Variants in BPNT2 observed in about 807,000 individuals in gnomAD.
The protein encoded by BPNT2 is 3'(2'), 5'-bisphosphate nucleotidase 2, also known as Golgi-resident adenosine 3',5'-bisphosphate 3'-phosphatase.
Under a neutral mutation model 29.3 loss-of-function variants are expected in BPNT2, and 11 were observed. That is an observed-to-expected ratio of 0.38 (90% confidence interval 0.24 to 0.62). The LOEUF (loss-of-function observed/expected upper bound fraction) is 0.62. BPNT2 is among the 20% of genes least tolerant of loss of function. The pLI, the probability that BPNT2 is intolerant of heterozygous loss-of-function variation, is 0.62. For missense variants in BPNT2, 459 were observed against 473.4 expected, an observed-to-expected ratio of 0.97 and a Z score of 0.28; for synonymous variants, 195 against 187.7, an observed-to-expected ratio of 1.04 and a Z score of -0.32.
Position 56,978,151 on chromosome 8 carries a change from A to C in BPNT2, c.551-6T>G. The C allele has an allele frequency of 6.4e-7, 1 of 1,572,678 alleles. No individual in the cohort carries two copies. The highest frequency in any genetic ancestry group is 8.7e-7 in the Non-Finnish European group (1 of 1,143,628). ...GACGTACTTTCGAAGATCCTCTATG[A>C]GAAAAAAAACAAAACAACACACACA... On this transcript the variant is annotated splice_region_variant and splice_polypyrimidine_tract_variant and intron_variant, in intron 2 of 4. Transcript: ENST00000262644.
rs1316363452 is a variant in BPNT2, at chr8:56,962,285, G to T, written c.*1508C>A. On this transcript the variant is annotated 3_prime_UTR_variant, in exon 5 of 5. Transcript: ENST00000262644. The stretch of plus-strand genomic sequence containing the variant: ...AAGAAAGTAAAGGGCTTTGGACAAT[G>T]TAACATACAAACCTAAAGTATGCAC... 6.6e-6 allele frequency: 1 copy of T among 152,194 alleles called. No individual in the cohort carries two copies. Among genetic ancestry groups the T allele is most frequent in the Non-Finnish European group, 1.5e-5 (1 of 68,030 alleles). 9.4% of individuals were successfully genotyped at this position (152,194 alleles called of 1,614,324 possible).
intron 4 of BPNT2, among the ~76,000 whole-genome samples, chr8:56,965,813 C>T (rs1330033859): frequency 1.3e-5 from 2 of 152,140 alleles, no homozygotes; most frequent in Non-Finnish European, 2.9e-5. Context: ...TATGATGACT[C>T]CTGGCGTCTT....
At chr8:56,978,221 T>A (rs1806178433) in intron 2 of BPNT2, 76 bp from the exon 3 acceptor site, 1 of 944,514 alleles carries the variant, frequency 1.1e-6, no homozygotes, top group Admixed American at 1.7e-5. Flanking sequence ...ATATTACACT[T>A]TAGTTCATTA....
At chr8:56,974,597 T>G (rs1052120164) in intron 3 of BPNT2, among the ~76,000 whole-genome samples, 1 of 152,176 alleles carries the variant, frequency 6.6e-6, no homozygotes, top group Non-Finnish European at 1.5e-5. Context: ...AAACATTCAG[T>G]GTGGGAATGG....
chr8:56,980,068 T>C lies in BPNT2; in HGVS notation c.517A>G (p.Ile173Val), dbSNP rs779777456. The C allele has an allele frequency of 2.5e-6, 4 of 1,613,900 alleles. No individual in the cohort carries two copies. Among genetic ancestry groups the C allele is most frequent in the Admixed American group, 1.7e-5 (1 of 60,012 alleles). ...EVPAESVTVW[I>V]DPLDATQEYT... ...TCCTGTGTAGCATCAAGTGGGTCAA[T>C]CCAGACAGTAACACTTTCTGCTGGT... Residue 173 changes from isoleucine to valine, a missense_variant, in exon 2 of 5, where the codon ATT (isoleucine) becomes GTT (valine). Physicochemically the swap from Ile to Val is conservative, Grantham distance 29. Coordinates refer to ENST00000262644, the MANE Select transcript of BPNT2 (RefSeq NM_017813.5).
intron 1 of BPNT2, among the ~76,000 whole-genome samples, chr8:56,990,294 T>C (rs1806397560): frequency 6.6e-6 from 1 of 152,158 alleles, no homozygotes. Context: ...AAATCAAAAC[T>C]ATAAATCTCA....
At chr8:56,981,828 G>A (rs1563410214) in intron 1 of BPNT2, among the ~76,000 whole-genome samples, 1 of 152,128 alleles carries the variant, frequency 6.6e-6, no homozygotes, top group South Asian at 2.1e-4. Context: ...GTTGGGTCCT[G>A]TGCTTTCTGA....
chr8:56,957,987 TC>T lies in BPNT2; in HGVS notation c.*5805del, dbSNP rs1380775482. ...TTCAAATTTCGTTTGGCAAAGTATA[TC>T]CGGGGCAGAGAGTTTGGGATAATTA... is the stretch of plus-strand genomic sequence containing the variant. On this transcript the variant is annotated 3_prime_UTR_variant, in exon 5 of 5. Transcript: ENST00000262644. 1.3e-5 allele frequency: 2 copies of T among 152,034 alleles called. No homozygotes were observed. Among genetic ancestry groups the T allele is most frequent in the South Asian group, 2.1e-4 (1 of 4,814 alleles). 9.4% of individuals were successfully genotyped at this position (152,034 alleles called of 1,614,324 possible).
Position 56,980,176 on chromosome 8 carries a change from C to T in BPNT2, c.409G>A (p.Asp137Asn). 4 of 1,613,676 alleles carry T rather than the reference C, an allele frequency of 2.5e-6. No homozygotes were observed. Among genetic ancestry groups the T allele is most frequent in the Non-Finnish European group, 3.4e-6 (4 of 1,179,698 alleles). ...AAGATAACCTCCTGATCAGCTGCAT[C>T]CACGTGTTCCTCAGTATTAATCTGC... ...SVQINTEEHV[D>N]AADQEVILWD... is the part of the protein sequence containing the mutation. Residue 137 changes from aspartate (D) to asparagine (N), a missense_variant, in exon 2 of 5, where the codon GAT becomes AAT. By Grantham distance (23) the Asp-to-Asn change is conservative. Coordinates refer to ENST00000262644, the MANE Select transcript of BPNT2 (RefSeq NM_017813.5).
At position 56,986,053 on chromosome 8, in the gene BPNT2, G is replaced by A. The variant is rs540890157; in HGVS notation, c.388-5856C>T. Among the ~76,000 whole-genome samples the A allele has an allele frequency of 5.3e-5, 8 of 152,332 alleles. No individual in the cohort carries two copies. The South Asian group carries it at 6.2e-4, about 12-fold the overall frequency. On this transcript the variant is annotated intron_variant, in intron 1 of 4. Transcript: ENST00000262644. The stretch of plus-strand genomic sequence containing the variant: ...ATGGAGGACAACTGCTTTGGAGAGT[G>A]TCAGGCTTCTGAGAATTGGAGGATG...
At chr8:56,982,737 G>A (rs1177813341) in intron 1 of BPNT2, among the ~76,000 whole-genome samples, 3 of 152,020 alleles carry the variant, frequency 2.0e-5, no homozygotes, top group Non-Finnish European at 4.4e-5. Flanking sequence ...GTAGTGGAAG[G>A]GTTATTCTTT....
chr8:56,965,704 G>C (rs1468357308), intron 4 of BPNT2, among the ~76,000 whole-genome samples: 1 of 152,154 alleles, frequency 6.6e-6, no homozygotes, highest in Non-Finnish European at 1.5e-5. Flanking sequence ...ATACGATAAG[G>C]TGGGTGCGCA....
intron 4 of BPNT2, among the ~76,000 whole-genome samples, chr8:56,965,382 C>CTCCCTTTA (rs1182545349): frequency 3.9e-4 from 59 of 152,270 alleles, no homozygotes; most frequent in Non-Finnish European, 7.4e-4. Context: ...TTTATGTGTG[C>CTCCCTTTA]TGAGAAGGTT....
rs377697357 is a variant in BPNT2 at position 56,964,239 on chromosome 8, T to C, written c.809-175A>G. ...CAAATTAAAAAAATTTTAAAGTAAC[T>C]GTATAAACATTAAACTCAGAACAAA... On this transcript the variant is annotated intron_variant, in intron 4 of 4. Coordinates refer to ENST00000262644, the MANE Select transcript of BPNT2 (RefSeq NM_017813.5). 313 of 554,272 alleles carry C rather than the reference T, an allele frequency of 5.6e-4. 2 individuals are homozygous for C. The highest frequency in any genetic ancestry group is 4.3e-3 in the Middle Eastern group (9 of 2,108). The allele number at this position is 554,272 out of a possible 1,614,324, so 34.3% of individuals were successfully genotyped here.
chr8:56,981,172 C>A (rs909646392), intron 1 of BPNT2, among the ~76,000 whole-genome samples: 1 of 152,198 alleles, frequency 6.6e-6, no homozygotes, highest in Non-Finnish European at 1.5e-5. Context: ...CGGACATTGT[C>A]AAGTGCGCCC....
At position 56,964,067 on chromosome 8, in the gene BPNT2, A is replaced by G. The variant is rs749609075; in HGVS notation, c.809-3T>C. 6.4e-7 allele frequency: 1 copy of G among 1,572,454 alleles called. No individual in the cohort carries two copies. The highest frequency in any genetic ancestry group is 8.7e-7 in the Non-Finnish European group (1 of 1,154,326). On this transcript the variant is annotated splice_region_variant and splice_polypyrimidine_tract_variant and intron_variant, in intron 4 of 4. Coordinates refer to ENST00000262644, the MANE Select transcript of BPNT2 (RefSeq NM_017813.5). ...CAAAAGTGCTAAAACTTTATAACCT[A>G]AAAGATAAACAAAGAATTTAGGTTA... is the stretch of plus-strand genomic sequence containing the variant.
In BPNT2 at chr8:56,960,800, G is replaced by A. The variant is rs886063005; in HGVS notation, c.*2993C>T. 1 of 152,094 alleles carries A rather than the reference G, an allele frequency of 6.6e-6. No individual in the cohort carries two copies. Among genetic ancestry groups the A allele is most frequent in the African/African-American group, 2.4e-5 (1 of 41,406 alleles). The allele number at this position is 152,094 out of a possible 1,614,324, so 9.4% of individuals were successfully genotyped here. A position where few individuals can be genotyped will look rare whatever the true frequency, so the allele number is the denominator to read the frequency against. On this transcript the variant is annotated 3_prime_UTR_variant, in exon 5 of 5. Transcript: ENST00000262644. ...TCATATTAGACTTGACAACATAAAG[G>A]GTTGTGGTTTTGAAGGTGATTTTCC...
chr8:56,993,653 C>A lies in BPNT2; in HGVS notation c.-68G>T, dbSNP rs983944939. ...CTCCAGCGCCCGCCGCCGCCGCCGC[C>A]GCAGCCGCCGCGCTCCGGGCCAGGC... is the stretch of plus-strand genomic sequence containing the variant. On this transcript the variant is annotated 5_prime_UTR_variant, in exon 1 of 5. Coordinates refer to ENST00000262644, the MANE Select transcript of BPNT2 (RefSeq NM_017813.5). The A allele has an allele frequency of 5.8e-5, 68 of 1,170,256 alleles. No individual in the cohort carries two copies. Among genetic ancestry groups the A allele is most frequent in the South Asian group, 4.4e-4 (11 of 24,794 alleles). 72.5% of individuals were successfully genotyped at this position (1,170,256 alleles called of 1,614,324 possible).
intron 3 of BPNT2, among the ~76,000 whole-genome samples, chr8:56,971,401 T>C (rs1356030145): frequency 6.6e-6 from 1 of 152,140 alleles, no homozygotes; most frequent in East Asian, 1.9e-4. Flanking sequence ...CACTTGACCC[T>C]TGAACAACAC....
Sources: gnomAD v4.1 joint callset for allele counts (sites outside exome capture counted in the v4.1 genomes callset) on GRCh38, gnomAD v4.1.1 for gene constraint, MANE v1.5 for transcripts, NCBI Gene and HGNC (gene_info 2026-07-23, HGNC 2026-07-21) for gene names.